Variants in THEM4 observed in about 807,000 individuals in gnomAD.
THEM4 encodes acyl-coenzyme A thioesterase THEM4.
A neutral mutation model predicts 25.0 loss-of-function variants in THEM4; 22 were observed. That is an observed-to-expected ratio of 0.88 (90% CI 0.63 to 1.26). The LOEUF (loss-of-function observed/expected upper bound fraction) is 1.26, where lower values mean the gene tolerates loss of function less well. Among genes scored for constraint, THEM4 ranks in the 50% most tolerant of loss-of-function variants. THEM4 has a pLI of 0.00. For missense variants in THEM4, 286 were observed against 300.3 expected (o/e 0.95, Z 0.35); for synonymous variants, 113 against 105.6 (o/e 1.07, Z -0.43).
At position 151,872,986 on chromosome 1, in the gene THEM4, G is replaced by C. The variant is rs1283189298; in HGVS notation, c.*1902C>G. On this transcript the variant is annotated 3_prime_UTR_variant, in exon 6 of 6. Transcript: ENST00000368814. ...GGCCTCTTGTGGTTGAGATGAGGAAGGCCTCTGTCTCCTGCATGCCCCTGG... is the reference window on the plus strand; with the variant it reads ...GGCCTCTTGTGGTTGAGATGAGGAACGCCTCTGTCTCCTGCATGCCCCTGG... Among the ~76,000 whole-genome samples, 1 of 152,138 alleles carries C rather than the reference G, an allele frequency of 6.6e-6. No individual in the cohort carries two copies. Among genetic ancestry groups the C allele is most frequent in the East Asian group, 1.9e-4 (1 of 5,186 alleles).
intron 1 of THEM4, among the ~76,000 whole-genome samples, chr1:151,901,419 T>G (rs1214317873): frequency 6.6e-6 from 1 of 152,216 alleles, no homozygotes. Flanking sequence ...CATGGAACTT[T>G]CTCCAAGATA....
chr1:151,892,341 T>C (rs1654112465), intron 2 of THEM4, among the ~76,000 whole-genome samples: 2 of 152,160 alleles, frequency 1.3e-5, no homozygotes, highest in African/African-American at 4.8e-5. Context: ...CAGGGAGGTC[T>C]AGTACAGTAA....
chr1:151,880,921 C>T (rs1653798339), intron 4 of THEM4, among the ~76,000 whole-genome samples: 2 of 151,968 alleles, frequency 1.3e-5, no homozygotes, highest in South Asian at 4.1e-4. Context: ...TTATTTGACT[C>T]GCTTTTTCTA....
At position 151,909,410 on chromosome 1, in the gene THEM4, G is replaced by A. The variant is rs528130232; in HGVS notation, c.49C>T (p.Leu17=). 1.9e-5 allele frequency: 29 copies of A among 1,495,570 alleles called. No homozygotes were observed. Among genetic ancestry groups the A allele is most frequent in the Middle Eastern group, 2.2e-4 (1 of 4,588 alleles). The allele number at this position is 1,495,570 out of a possible 1,614,324, so 92.6% of individuals were successfully genotyped here. The change falls in exon 1 of 6, where the codon CTG becomes TTG. Residue 17 remains leucine (L), a synonymous_variant. Transcript: ENST00000368814. The part of the protein sequence containing the change: ...ARLRTLGALC[L]PPVGRRLPGS... Reference sequence around the variant, plus strand: ...GGCAGGCGCCGGCCTACTGGCGGCAGGCACAGAGCCCCCAGCGTGCGGAGG... The same window carrying A: ...GGCAGGCGCCGGCCTACTGGCGGCAAGCACAGAGCCCCCAGCGTGCGGAGG...
chr1:151,890,150 C>G, intron 2 of THEM4: 1 of 451,756 alleles, frequency 2.2e-6, no homozygotes, highest in Non-Finnish European at 4.5e-6. Context: ...AGGGATCCGC[C>G]TGCCTTGGCC....
intron 5 of THEM4, among the ~76,000 whole-genome samples, chr1:151,876,171 A>G (rs1320022762): frequency 2.0e-5 from 3 of 152,184 alleles, no homozygotes; most frequent in Non-Finnish European, 2.9e-5. Flanking sequence ...AAATATAGAC[A>G]TATTTTTCTT....
chr1:151,908,238 C>T (rs1209475243), intron 1 of THEM4, among the ~76,000 whole-genome samples: 3 of 152,150 alleles, frequency 2.0e-5, no homozygotes, highest in Non-Finnish European at 2.9e-5. Context: ...AAGTTTTGTG[C>T]GAAAGGATTT....
intron 4 of THEM4, among the ~76,000 whole-genome samples, chr1:151,883,765 C>T (rs1175385851): frequency 6.6e-6 from 1 of 151,306 alleles, no homozygotes; most frequent in East Asian, 2.0e-4. Context: ...AGTAGCCTGG[C>T]CTTAACTGTG....
intron 3 of THEM4, 116 bp downstream of exon 3, chr1:151,889,098 A>C: frequency 1.5e-6 from 1 of 667,422 alleles, no homozygotes; most frequent in Admixed American, 3.0e-5. Flanking sequence ...CCATGTCAAT[A>C]AATATACATC....
chr1:151,876,863 T>C, intron 5 of THEM4, 138 bp downstream of exon 5: 2 of 1,029,290 alleles, frequency 1.9e-6, no homozygotes, highest in Admixed American at 5.1e-5. Context: ...TGGGTTATAA[T>C]ACCAGGGCAA....
Position 151,871,924 on chromosome 1 carries a change from G to C in THEM4, c.*2964C>G, listed in dbSNP as rs1653562835. Among the ~76,000 whole-genome samples the C allele has an allele frequency of 6.6e-6, 1 of 152,182 alleles. No homozygotes were observed. The highest frequency in any genetic ancestry group is 1.5e-5 in the Non-Finnish European group (1 of 68,050). ...TGAAACTAGCTAAATGAGCAGCGCT[G>C]GCTTATTCCTTCGGAGTCATATTTT... On this transcript the variant is annotated 3_prime_UTR_variant, in exon 6 of 6. Transcript: ENST00000368814.
At chr1:151,904,864 G>A (rs191662538) in intron 1 of THEM4, among the ~76,000 whole-genome samples, 96 of 152,260 alleles carry the variant, frequency 6.3e-4, no homozygotes, top group African/African-American at 2.2e-3. Flanking sequence ...ATGTGGATCA[G>A]GAGAGAGAAA....
intron 2 of THEM4, among the ~76,000 whole-genome samples, chr1:151,894,148 C>T (rs575937697): frequency 1.3e-5 from 2 of 152,258 alleles, no homozygotes; most frequent in East Asian, 3.9e-4. Flanking sequence ...TAGGCATGAG[C>T]CACGGTGCCT....
chr1:151,885,968 ATTTAATATTAT>A (rs1653958513), intron 4 of THEM4, among the ~76,000 whole-genome samples: 1 of 152,240 alleles, frequency 6.6e-6, no homozygotes, highest in East Asian at 1.9e-4. Flanking sequence ...ATCATATTAA[ATTTAATATTAT>A]TACTATTATT....
rs570082526 is a variant in THEM4, at chr1:151,872,220, C to T, written c.*2668G>A. Among the ~76,000 whole-genome samples the T allele has an allele frequency of 3.7e-4, 57 of 152,316 alleles. No homozygotes were observed. The South Asian group carries it at 0.011, about 29-fold the overall frequency. On this transcript the variant is annotated 3_prime_UTR_variant, in exon 6 of 6. Transcript: ENST00000368814. ...GAGACAGGGCTTCCAGGATGTGGGT[C>T]TTCCTCTGGCTTGGCCATCCCAGGT...
intron 1 of THEM4, among the ~76,000 whole-genome samples, chr1:151,895,465 C>CA (rs1654202824): frequency 6.6e-6 from 1 of 151,920 alleles, no homozygotes; most frequent in Non-Finnish European, 1.5e-5. Context: ...TCTTTTTTTC[C>CA]AGACTTTAAT....
chr1:151,897,250 A>G (rs1244604897), intron 1 of THEM4, among the ~76,000 whole-genome samples: 1 of 152,196 alleles, frequency 6.6e-6, no homozygotes, highest in Non-Finnish European at 1.5e-5. Flanking sequence ...GATTTAATGT[A>G]CCTACAATAC....
chr1:151,877,673 T>C (rs1350907655), intron 4 of THEM4, among the ~76,000 whole-genome samples: 2 of 152,190 alleles, frequency 1.3e-5, no homozygotes, highest in Non-Finnish European at 2.9e-5. Flanking sequence ...ATCTGAGCTG[T>C]CCAACCTGGT....
At chr1:151,888,016 A>G (rs986098656) in intron 4 of THEM4, among the ~76,000 whole-genome samples, 4 of 152,178 alleles carry the variant, frequency 2.6e-5, no homozygotes, top group Admixed American at 6.5e-5. Context: ...AGATGGAGAC[A>G]ATTCTGAGGC....
Sources: allele counts gnomAD v4.1 joint callset (sites outside exome capture counted in the v4.1 genomes callset), GRCh38; gene constraint gnomAD v4.1.1; transcripts MANE v1.5; gene names NCBI Gene and HGNC (gene_info 2026-07-23, HGNC 2026-07-21).